Variants in DCC observed in about 807,000 individuals in gnomAD.
The protein encoded by DCC is DCC netrin 1 receptor.
In DCC, 58 loss-of-function variants were observed where a neutral mutation model predicts 172.5. The ratio of observed to expected loss-of-function variants is 0.34; its 90% CI spans 0.27 to 0.42. The LOEUF is 0.42. DCC is among the 10% of genes least tolerant of loss of function. DCC has a pLI of 1.00. For synonymous variants in DCC, 709 were observed against 644.5 expected (o/e 1.10, Z -1.52); for missense variants, 1,740 against 1,791.0 (o/e 0.97, Z 0.51).
intron 27 of DCC, among the ~76,000 whole-genome samples, chr18:53,525,401 T>C (rs891987340): frequency 2.6e-5 from 4 of 152,102 alleles, no homozygotes; most frequent in African/African-American, 9.7e-5. Flanking sequence ...CCTTTTATGA[T>C]AAATCACTCA....
chr18:52,963,264 TATCTTA>T (rs1018468678), intron 5 of DCC, among the ~76,000 whole-genome samples: 1 of 151,808 alleles, frequency 6.6e-6, no homozygotes, highest in Non-Finnish European at 1.5e-5. Flanking sequence ...TATTTCTTTA[TATCTTA>T]TTTTCCATAA....
chr18:53,019,092 C>G (rs1233326212), intron 5 of DCC, among the ~76,000 whole-genome samples: 1 of 152,104 alleles, frequency 6.6e-6, no homozygotes, highest in Non-Finnish European at 1.5e-5. Flanking sequence ...TGACTGGGGC[C>G]AATGCTGTCT....
chr18:53,010,616 T>C (rs1322232166), intron 5 of DCC, among the ~76,000 whole-genome samples: 1 of 150,856 alleles, frequency 6.6e-6, no homozygotes, highest in Non-Finnish European at 1.5e-5. Flanking sequence ...GAGTTAGGCC[T>C]AATAAATATA....
intron 2 of DCC, among the ~76,000 whole-genome samples, chr18:52,854,936 G>A (rs572809089): frequency 2.6e-5 from 4 of 152,298 alleles, no homozygotes; most frequent in East Asian, 1.9e-4. Flanking sequence ...CATGACCTGA[G>A]CTTCCTAAGT....
intron 15 of DCC, among the ~76,000 whole-genome samples, chr18:53,361,218 G>A (rs1156926601): frequency 1.3e-5 from 2 of 152,074 alleles, no homozygotes; most frequent in African/African-American, 4.8e-5. Flanking sequence ...GGACCGTGCG[G>A]CCCTGCTGAC....
intron 12 of DCC, among the ~76,000 whole-genome samples, chr18:53,260,923 T>C (rs2056589763): frequency 6.6e-6 from 1 of 152,062 alleles, no homozygotes; most frequent in Non-Finnish European, 1.5e-5. Context: ...TCCCCCAGCC[T>C]CGCTGCCACC....
chr18:52,971,509 G>A (rs1048452401), intron 5 of DCC, among the ~76,000 whole-genome samples: 35 of 151,360 alleles, frequency 2.3e-4, no homozygotes, highest in South Asian at 8.4e-4. Context: ...GTGTGTGTGC[G>A]CGCACACACA....
chr18:52,382,461 T>A (rs1985626023), intron 1 of DCC, among the ~76,000 whole-genome samples: 1 of 152,150 alleles, frequency 6.6e-6, no homozygotes. Flanking sequence ...TAATCATATT[T>A]CCATTTTATA....
At chr18:53,044,316 G>T (rs996462414) in intron 5 of DCC, among the ~76,000 whole-genome samples, 1 of 151,866 alleles carries the variant, frequency 6.6e-6, no homozygotes, top group African/African-American at 2.4e-5. Flanking sequence ...ATCATGAAGT[G>T]ACTGCACAGG....
chr18:52,600,312 T>C (rs1012219818), intron 1 of DCC, among the ~76,000 whole-genome samples: 2 of 152,202 alleles, frequency 1.3e-5, no homozygotes, highest in African/African-American at 2.4e-5. Flanking sequence ...GTGGAAAATC[T>C]GCATGTACAT....
intron 27 of DCC, among the ~76,000 whole-genome samples, chr18:53,514,096 A>G (rs1598833894): frequency 2.0e-5 from 3 of 152,354 alleles, no homozygotes; most frequent in Admixed American, 6.5e-5. Flanking sequence ...AACAGAGATT[A>G]TAACAGTGCA....
At chr18:52,973,036 G>T (rs116216946) in intron 5 of DCC, among the ~76,000 whole-genome samples, 2,400 of 152,224 alleles carry the variant, frequency 0.016, 79 homozygotes, top group African/African-American at 0.055. Flanking sequence ...TTCATGTTTC[G>T]ACAGACCACT....
chr18:52,570,914 A>C (rs771033337), intron 1 of DCC, among the ~76,000 whole-genome samples: 3 of 152,164 alleles, frequency 2.0e-5, no homozygotes, highest in African/African-American at 4.8e-5. Context: ...AAGACTAATT[A>C]GTTTTTCTAG....
intron 1 of DCC, among the ~76,000 whole-genome samples, chr18:52,540,934 G>C (rs1392490588): frequency 1.3e-5 from 2 of 152,092 alleles, no homozygotes; most frequent in Non-Finnish European, 2.9e-5. Context: ...AGGGAAATAC[G>C]TGTTCTGGGG....
At chr18:52,593,886 T>G (rs1183081728) in intron 1 of DCC, among the ~76,000 whole-genome samples, 1 of 152,236 alleles carries the variant, frequency 6.6e-6, no homozygotes, top group African/African-American at 2.4e-5. Flanking sequence ...AAGGCACTGA[T>G]TCATTCCTCC....
chr18:52,541,153 C>T (rs367646535), intron 1 of DCC, among the ~76,000 whole-genome samples: 3 of 152,116 alleles, frequency 2.0e-5, no homozygotes, highest in Admixed American at 6.6e-5. Context: ...CAGATAACAT[C>T]GTATACAAGT....
At chr18:53,087,884 C>T (rs1239203982) in intron 7 of DCC, among the ~76,000 whole-genome samples, 1 of 151,558 alleles carries the variant, frequency 6.6e-6, no homozygotes, top group African/African-American at 2.4e-5. Context: ...GCTTGTTTTT[C>T]TCAGGTTTGT....
chr18:52,751,024 T>C (rs2036986011), intron 1 of DCC, among the ~76,000 whole-genome samples: 1 of 152,226 alleles, frequency 6.6e-6, no homozygotes, highest in Admixed American at 6.5e-5. Context: ...ACAAGGTGTT[T>C]CAGGAGAAAA....
chr18:52,697,477 C>T (rs936327894), intron 1 of DCC, among the ~76,000 whole-genome samples: 2 of 152,110 alleles, frequency 1.3e-5, no homozygotes, highest in Admixed American at 6.6e-5. Flanking sequence ...TCAGTTTTCT[C>T]CTATGTGAGA....
Sources: gnomAD v4.1 joint callset for allele counts (sites outside exome capture counted in the v4.1 genomes callset) on GRCh38, gnomAD v4.1.1 for gene constraint, MANE v1.5 for transcripts, NCBI Gene and HGNC (gene_info 2026-07-23, HGNC 2026-07-21) for gene names.